OSTN: variants seen among roughly 807,000 people sequenced by gnomAD.
OSTN encodes osteocrin.
Under a neutral mutation model 12.0 loss-of-function variants are expected in OSTN, and 9 were observed. The ratio of observed to expected loss-of-function variants is 0.75; its 90% CI spans 0.45 to 1.30. The LOEUF (loss-of-function observed/expected upper bound fraction) is 1.30, where lower values mean the gene tolerates loss of function less well. Ranked by LOEUF, OSTN falls within the 50% of genes most tolerant of loss-of-function variation. The pLI is 0.00. For synonymous variants in OSTN, 59 were observed against 56.9 expected, an observed-to-expected ratio of 1.04 and a Z score of -0.16; for missense variants, 148 against 152.3, an observed-to-expected ratio of 0.97 and a Z score of 0.15.
chr3:191,220,379 G>C (rs1322559679), intron 3 of OSTN, among the ~76,000 whole-genome samples: 1 of 152,028 alleles, frequency 6.6e-6, no homozygotes. Context: ...ACTATGTTCT[G>C]GGTACTATGT....
At chr3:191,227,135 T>C (rs57907590) in intron 3 of OSTN, among the ~76,000 whole-genome samples, 13,799 of 144,182 alleles carry the variant, frequency 0.096, 2,115 homozygotes, top group African/African-American at 0.32. Flanking sequence ...ATAAAGAACC[T>C]TGAAAAATAA....
chr3:191,237,255 G>A lies in OSTN; in HGVS notation c.318-12782G>A, dbSNP rs1316955785. Reference sequence around the variant, plus strand: ...TGTGTGAATAAGATATTTGTCAAAGGCCAGGAACAGTGAGATTCACTTAGA... The same window carrying A: ...TGTGTGAATAAGATATTTGTCAAAGACCAGGAACAGTGAGATTCACTTAGA... On this transcript the variant is annotated intron_variant, in intron 3 of 4. Transcript: ENST00000682035. Among the ~76,000 whole-genome samples, 8 of 152,300 alleles carry A rather than the reference G, an allele frequency of 5.3e-5. No homozygotes were observed. The East Asian group carries it at 1.5e-3, about 29-fold the overall frequency.
At chr3:191,222,656 A>G (rs1823905) in intron 3 of OSTN, among the ~76,000 whole-genome samples, 122,984 of 152,100 alleles carry the variant, frequency 0.81, 50,354 homozygotes, top group African/African-American at 0.94. Flanking sequence ...AGGGATGATC[A>G]TGTTTTGAAA....
chr3:191,258,253 T>C (rs948235990), intron 4 of OSTN, among the ~76,000 whole-genome samples: 1 of 152,214 alleles, frequency 6.6e-6, no homozygotes, highest in Non-Finnish European at 1.5e-5. Context: ...TTTAGATAGG[T>C]AGCTTTTAAT....
At chr3:191,225,936 T>C (rs2108537778) in intron 3 of OSTN, among the ~76,000 whole-genome samples, 1 of 152,242 alleles carries the variant, frequency 6.6e-6, no homozygotes, top group South Asian at 2.1e-4. Context: ...AATAAACCCA[T>C]GTAGCAAACC....
chr3:191,212,999 T>C (rs1246642834), intron 2 of OSTN, among the ~76,000 whole-genome samples: 2 of 150,804 alleles, frequency 1.3e-5, no homozygotes, highest in Non-Finnish European at 3.0e-5. Context: ...GCCTCCCAAG[T>C]AGCTGGGATT....
intron 3 of OSTN, among the ~76,000 whole-genome samples, chr3:191,235,574 C>T (rs1576933343): frequency 6.6e-6 from 1 of 152,166 alleles, no homozygotes; most frequent in African/African-American, 2.4e-5. Context: ...TCACATAACC[C>T]CCAGTGCGAA....
intron 1 of OSTN, among the ~76,000 whole-genome samples, chr3:191,210,594 G>C (rs1204568468): frequency 1.3e-5 from 2 of 152,158 alleles, no homozygotes; most frequent in Admixed American, 1.3e-4. Context: ...AGCTTAAGTA[G>C]GGTAAAATGA....
At chr3:191,260,696 C>T (rs1715786822) in intron 4 of OSTN, among the ~76,000 whole-genome samples, 1 of 152,148 alleles carries the variant, frequency 6.6e-6, no homozygotes, top group Non-Finnish European at 1.5e-5. Flanking sequence ...CTGATGTGAT[C>T]CAACAACCAT....
intron 3 of OSTN, among the ~76,000 whole-genome samples, chr3:191,249,190 GCTGTCTCTTTC>G (rs1402628679): frequency 6.6e-5 from 10 of 152,092 alleles, no homozygotes; most frequent in Non-Finnish European, 1.3e-4. Context: ...GACTCTCCCT[GCTGTCTCTTTC>G]TTCATAAAGA....
chr3:191,208,407 G>A (rs779706502), intron 1 of OSTN, among the ~76,000 whole-genome samples: 1 of 152,196 alleles, frequency 6.6e-6, no homozygotes, highest in Non-Finnish European at 1.5e-5. Context: ...CAGGTGCCAG[G>A]GTGTTTGTTT....
At chr3:191,248,614 T>G (rs1223191590) in intron 3 of OSTN, among the ~76,000 whole-genome samples, 1 of 152,336 alleles carries the variant, frequency 6.6e-6, no homozygotes, top group East Asian at 1.9e-4. Context: ...CCTACATCAC[T>G]GAGCTTTTCA....
intron 4 of OSTN, among the ~76,000 whole-genome samples, chr3:191,262,440 G>A (rs1200615889): frequency 6.6e-6 from 1 of 152,172 alleles, no homozygotes; most frequent in East Asian, 1.9e-4. Context: ...TGGATTCTTG[G>A]TAGAATGTGC....
intron 2 of OSTN, among the ~76,000 whole-genome samples, chr3:191,214,792 C>T (rs1287029274): frequency 6.6e-6 from 1 of 152,140 alleles, no homozygotes; most frequent in Non-Finnish European, 1.5e-5. Context: ...GTAGGTGGAT[C>T]ACTTGAGGTC....
chr3:191,231,084 T>C (rs915386926), intron 3 of OSTN, among the ~76,000 whole-genome samples: 1 of 152,222 alleles, frequency 6.6e-6, no homozygotes, highest in Non-Finnish European at 1.5e-5. Context: ...ACACTTCCTC[T>C]GAGATTTTTT....
At chr3:191,240,849 C>T (rs965214760) in intron 3 of OSTN, among the ~76,000 whole-genome samples, 37 of 152,358 alleles carry the variant, frequency 2.4e-4, no homozygotes, top group Non-Finnish European at 4.4e-4. Flanking sequence ...CAGCTGCCGC[C>T]GGAATAAGTG....
At chr3:191,255,604 CAAAT>C (rs531851177) in intron 4 of OSTN, among the ~76,000 whole-genome samples, 155 of 152,066 alleles carry the variant, frequency 1.0e-3, no homozygotes, top group African/African-American at 3.6e-3. Context: ...AAAATGCTCA[CAAAT>C]AGTTTCTAAA....
At chr3:191,203,879 A>G in intron 1 of OSTN, among the ~76,000 whole-genome samples, 1 of 151,952 alleles carries the variant, frequency 6.6e-6, no homozygotes. Flanking sequence ...CATTCCTGAT[A>G]TTTTATTTAT....
chr3:191,246,108 T>G (rs1369379856), intron 3 of OSTN, among the ~76,000 whole-genome samples: 1 of 151,926 alleles, frequency 6.6e-6, no homozygotes, highest in African/African-American at 2.4e-5. Context: ...AACGTATTAT[T>G]TTTTCATGAC....
Sources: gnomAD v4.1 joint callset for allele counts (sites outside exome capture counted in the v4.1 genomes callset) on GRCh38, gnomAD v4.1.1 for gene constraint, MANE v1.5 for transcripts, NCBI Gene and HGNC (gene_info 2026-07-23, HGNC 2026-07-21) for gene names.